Variants in IFNG-AS1 observed in about 807,000 individuals in gnomAD.
The protein encoded by IFNG-AS1 is IFNG antisense RNA 1 (non-protein coding).
chr12:67,997,805 A>G (rs1041780364), intron 2 of IFNG-AS1, among the ~76,000 whole-genome samples: 3 of 151,976 alleles, frequency 2.0e-5, no homozygotes, highest in Admixed American at 6.5e-5. Flanking sequence ...ATTGAAAGAG[A>G]AGGGATTTTA....
intron 3 of IFNG-AS1, among the ~76,000 whole-genome samples, chr12:68,009,735 C>T (rs1485801989): frequency 1.3e-5 from 2 of 152,138 alleles, no homozygotes; most frequent in African/African-American, 2.4e-5. Context: ...CTCCTCCATG[C>T]AGTCATTCCG....
At chr12:67,995,649 G>A (rs1565686560) in intron 1 of IFNG-AS1, among the ~76,000 whole-genome samples, 1 of 150,532 alleles carries the variant, frequency 6.6e-6, no homozygotes, top group Non-Finnish European at 1.5e-5. Flanking sequence ...TTGAACCTGG[G>A]AGGCAGAGGT....
At chr12:67,990,610 T>G (rs7314346) in intron 1 of IFNG-AS1, among the ~76,000 whole-genome samples, 2 of 149,066 alleles carry the variant, frequency 1.3e-5, no homozygotes, top group African/African-American at 5.0e-5. Context: ...TTTTTTTTTT[T>G]TGAGATGGAG....
chr12:68,007,543 T>C (rs1299082324), intron 3 of IFNG-AS1, among the ~76,000 whole-genome samples: 2 of 152,106 alleles, frequency 1.3e-5, no homozygotes. Flanking sequence ...ACTGAAAAAA[T>C]AGCTGGTGGA....
chr12:67,997,304 G>T (rs1020885851), intron 2 of IFNG-AS1, among the ~76,000 whole-genome samples: 1 of 151,848 alleles, frequency 6.6e-6, no homozygotes, highest in Non-Finnish European at 1.5e-5. Context: ...CTAGGCAAAC[G>T]AACTGATAGA....
chr12:68,019,563 G>A (rs1229996461), intron 3 of IFNG-AS1, among the ~76,000 whole-genome samples: 2 of 152,100 alleles, frequency 1.3e-5, no homozygotes, highest in Non-Finnish European at 2.9e-5. Context: ...GGCCAACCTT[G>A]GTGAGGCCTG....
At chr12:68,007,040 A>C (rs1281174266) in intron 3 of IFNG-AS1, among the ~76,000 whole-genome samples, 1 of 152,236 alleles carries the variant, frequency 6.6e-6, no homozygotes, top group Non-Finnish European at 1.5e-5. Context: ...ATCACATGGA[A>C]GAGTGCTTAT....
intron 3 of IFNG-AS1, among the ~76,000 whole-genome samples, chr12:68,018,650 C>T (rs940573148): frequency 3.3e-5 from 5 of 152,100 alleles, no homozygotes; most frequent in African/African-American, 1.2e-4. Flanking sequence ...TACAACTTTA[C>T]AAAACCTTCC....
chr12:68,014,581 T>C (rs190166883), intron 3 of IFNG-AS1, among the ~76,000 whole-genome samples: 97 of 152,310 alleles, frequency 6.4e-4, no homozygotes, highest in African/African-American at 2.3e-3. Context: ...TGTTGGCCAT[T>C]TGTATATCTT....
At chr12:68,016,560 C>A (rs957947247) in intron 3 of IFNG-AS1, among the ~76,000 whole-genome samples, 5 of 152,146 alleles carry the variant, frequency 3.3e-5, no homozygotes, top group African/African-American at 9.7e-5. Flanking sequence ...GATTACAGAA[C>A]ATCCTTCATA....
At chr12:67,999,947 G>A (rs2120431116) in intron 2 of IFNG-AS1, among the ~76,000 whole-genome samples, 1 of 152,282 alleles carries the variant, frequency 6.6e-6, no homozygotes, top group South Asian at 2.1e-4. Flanking sequence ...TATATGTACT[G>A]AGAAGCCCAC....
chr12:67,996,754 T>G (rs920425650), intron 2 of IFNG-AS1, among the ~76,000 whole-genome samples: 3 of 152,230 alleles, frequency 2.0e-5, no homozygotes, highest in African/African-American at 7.2e-5. Context: ...TAAAAACCAG[T>G]GTTGTCCATT....
At chr12:67,994,633 C>T (rs74428052) in intron 1 of IFNG-AS1, among the ~76,000 whole-genome samples, 1,561 of 152,284 alleles carry the variant, frequency 0.01, 28 homozygotes, top group African/African-American at 0.036. Context: ...ATGTCTGCCG[C>T]TATTCTAAAC....
At chr12:68,002,630 G>C (rs1879795633) in intron 2 of IFNG-AS1, among the ~76,000 whole-genome samples, 2 of 152,150 alleles carry the variant, frequency 1.3e-5, no homozygotes, top group East Asian at 1.9e-4. Flanking sequence ...CTTAGACATA[G>C]ACCCAACTGG....
At chr12:68,015,734 G>T (rs1020871422) in intron 3 of IFNG-AS1, among the ~76,000 whole-genome samples, 1 of 152,120 alleles carries the variant, frequency 6.6e-6, no homozygotes, top group Admixed American at 6.6e-5. Context: ...AAATAAAGGG[G>T]GAAGGAAAGG....
At chr12:68,010,028 A>T (rs945256429) in intron 3 of IFNG-AS1, among the ~76,000 whole-genome samples, 1 of 152,226 alleles carries the variant, frequency 6.6e-6, no homozygotes, top group African/African-American at 2.4e-5. Context: ...AGTGTTTCAG[A>T]TATTTTTAGA....
chr12:68,013,124 G>A (rs569593532), intron 3 of IFNG-AS1, among the ~76,000 whole-genome samples: 9 of 152,236 alleles, frequency 5.9e-5, no homozygotes, highest in Non-Finnish European at 1.0e-4. Flanking sequence ...TCAAAAACCC[G>A]TGAACCACTG....
rs112854079 is a variant in IFNG-AS1 at position 68,014,891 on chromosome 12, G to A, written n.242-4971G>A. ...ATGTAAATTTGGAAAATAGAATGGC[G>A]TCTATTTTCAGATGGTCAGATTAAT... On this transcript the variant is annotated intron_variant and non_coding_transcript_variant, in intron 3 of 5. Coordinates refer to ENST00000536914, the Ensembl canonical transcript of IFNG-AS1. Among the ~76,000 whole-genome samples, 185 of 152,112 alleles carry A rather than the reference G, an allele frequency of 1.2e-3. 4 individuals carry two copies. Among genetic ancestry groups the A allele is most frequent in the East Asian group, 7.7e-4 (4 of 5,182 alleles).
chr12:68,014,271 A>C (rs1016864082), intron 3 of IFNG-AS1, among the ~76,000 whole-genome samples: 3 of 152,234 alleles, frequency 2.0e-5, no homozygotes, highest in Non-Finnish European at 1.5e-5. Flanking sequence ...ATGTTTTTGC[A>C]TAATGACATC....
Sources: gnomAD v4.1 joint callset for allele counts (sites outside exome capture counted in the v4.1 genomes callset) on GRCh38, gnomAD v4.1.1 for gene constraint, MANE v1.5 for transcripts, NCBI Gene and HGNC (gene_info 2026-07-23, HGNC 2026-07-21) for gene names.